The following AHDC1 variants were observed in gnomAD, a reference collection of about 807,000 sequenced individuals.
The protein encoded by AHDC1 is transcription factor Gibbin.
A neutral mutation model predicts 87.9 loss-of-function variants in AHDC1; 7 were observed. The ratio of observed to expected loss-of-function variants is 0.08; its 90% CI spans 0.05 to 0.15. The LOEUF is 0.15. Among genes scored for constraint, AHDC1 ranks in the 10% least tolerant of loss-of-function variants. The pLI is 1.00. For missense variants in AHDC1, 1,841 were observed against 2,253.2 expected (o/e 0.82, Z 3.70); for synonymous variants, 1,051 against 1,006.8 (o/e 1.04, Z -0.83).
intron 3 of AHDC1, among the ~76,000 whole-genome samples, chr1:27,596,509 G>C (rs1007243486): frequency 6.6e-6 from 1 of 151,950 alleles, no homozygotes; most frequent in East Asian, 1.9e-4. Context: ...CAGGCCGGGG[G>C]CCCCTTCCCA....
chr1:27,557,400 A>G (rs1424618845), intron 5 of AHDC1, among the ~76,000 whole-genome samples: 1 of 149,838 alleles, frequency 6.7e-6, no homozygotes, highest in African/African-American at 2.5e-5. Flanking sequence ...CCTTCCCCAG[A>G]GAGCTCCTTG....
intron 3 of AHDC1, among the ~76,000 whole-genome samples, chr1:27,576,634 C>G (rs908783049): frequency 6.6e-6 from 1 of 152,210 alleles, no homozygotes; most frequent in Non-Finnish European, 1.5e-5. Flanking sequence ...CCACTGAACA[C>G]AGTGTTCACC....
rs79192734 is a variant in AHDC1, at chr1:27,601,557, T to C, written c.-629+1840A>G. Among the ~76,000 whole-genome samples the C allele has an allele frequency of 3.0e-4, 46 of 152,340 alleles. 2 individuals are homozygous for C. The East Asian group carries it at 7.7e-3, about 26-fold the overall frequency. On this transcript the variant is annotated intron_variant, in intron 3 of 8. Coordinates refer to ENST00000673934, the MANE Select transcript of AHDC1 (RefSeq NM_001371928.1). ...CAGTCTCTGGGGATTACTCCAACTA[T>C]TGACACAGCAGGAGAAAAAAATGAA...
In AHDC1 at chr1:27,548,410, G is replaced by A. The variant is rs772158445; in HGVS notation, c.3706C>T (p.Arg1236Trp). 3 of 1,610,212 alleles carry A rather than the reference G, an allele frequency of 1.9e-6. No homozygotes were observed. The highest frequency in any genetic ancestry group is 1.7e-6 in the Non-Finnish European group (2 of 1,177,068). Residue 1236 changes from arginine (R) to tryptophan (W), a missense_variant, in exon 8 of 9, where the codon CGG (arginine) becomes TGG (tryptophan). Around this residue, in one of 13 missense-constraint regions of AHDC1, gnomAD observed 505 missense variants for 626.2 expected, o/e 0.81. Transcript: ENST00000673934. ...GCCTCGAACAGGTCCACCTTCTTCC[G>A]CCGTCCACGGCCCGGCTTGGAGCTA... ...QSSSKPGRGR[R>W]KKVDLFEASH...
At chr1:27,581,649 C>T (rs1039771354) in intron 3 of AHDC1, among the ~76,000 whole-genome samples, 1 of 152,204 alleles carries the variant, frequency 6.6e-6, no homozygotes, top group African/African-American at 2.4e-5. Flanking sequence ...TGGGCTCCCC[C>T]ACCTCCAGTC....
In AHDC1 at chr1:27,548,205, G is replaced by T; in HGVS notation, c.3911C>A (p.Pro1304Gln). 2 of 1,613,652 alleles carry T rather than the reference G, an allele frequency of 1.2e-6. No individual in the cohort carries two copies. Among genetic ancestry groups the T allele is most frequent in the East Asian group, 4.5e-5 (2 of 44,882 alleles). ...KFIPKPQPVN[P>Q]LFQDSPDLGL... ...GAGGTCAGGACTGTCCTGGAACAGT[G>T]GGTTGACTGGCTGTGGCTTGGGGAT... is the stretch of plus-strand genomic sequence containing the variant. Residue 1304 changes from proline to glutamine, a missense_variant, in exon 8 of 9, where the codon CCA (proline) becomes CAA (glutamine). Pro to Gln is a moderately conservative substitution (Grantham distance 76). Transcript: ENST00000673934.
In AHDC1 at chr1:27,534,342, AAACAACAAC is replaced by A. The variant is rs746522183; in HGVS notation, c.*609_*617del. On this transcript the variant is annotated 3_prime_UTR_variant, in exon 9 of 9. Coordinates refer to ENST00000673934, the MANE Select transcript of AHDC1 (RefSeq NM_001371928.1). ...TCTTTGGGTGTGTCCTGCCAACAGA[AAACAACAAC>A]AACAACAACAGAAGAGAAAACCCAA... The A allele has an allele frequency of 2.0e-5, 3 of 150,330 alleles. No individual in the cohort carries two copies. Among genetic ancestry groups the A allele is most frequent in the Non-Finnish European group, 4.4e-5 (3 of 67,634 alleles). The allele number at this position is 150,330 out of a possible 1,614,324, so 9.3% of individuals were successfully genotyped here. A position where few individuals can be genotyped will look rare whatever the true frequency, so the allele number is the denominator to read the frequency against.
intron 8 of AHDC1, among the ~76,000 whole-genome samples, chr1:27,541,922 G>A (rs570657386): frequency 6.6e-6 from 1 of 152,316 alleles, no homozygotes; most frequent in Non-Finnish European, 1.5e-5. Flanking sequence ...GAGCCACCGC[G>A]CCTGGCAAGG....
In AHDC1 at chr1:27,563,801, G is replaced by A. The variant is rs978740581; in HGVS notation, c.-628-4918C>T. Reference sequence around the variant, plus strand: ...GCGGGTGCTGGGGGAGAGGAGTGCTGGGGAGGAAGCTGCCTGGACACACTG... The same window carrying A: ...GCGGGTGCTGGGGGAGAGGAGTGCTAGGGAGGAAGCTGCCTGGACACACTG... On this transcript the variant is annotated intron_variant, in intron 3 of 8. Transcript: ENST00000673934. This position sits in a 1 kb window ranked among gnomAD's most constrained non-coding sequence, Gnocchi z 6.1. Among the ~76,000 whole-genome samples the A allele has an allele frequency of 6.6e-6, 1 of 152,108 alleles. No individual in the cohort carries two copies. Among genetic ancestry groups the A allele is most frequent in the South Asian group, 2.1e-4 (1 of 4,816 alleles).
intron 8 of AHDC1, among the ~76,000 whole-genome samples, chr1:27,542,649 C>T (rs2018981135): frequency 6.6e-6 from 1 of 152,222 alleles, no homozygotes. Flanking sequence ...ACATGACTCA[C>T]CAGGTCACCT....
Position 27,548,428 on chromosome 1 carries a change from T to C in AHDC1, c.3688A>G (p.Lys1230Glu). 1 of 1,612,494 alleles carries C rather than the reference T, an allele frequency of 6.2e-7. No individual in the cohort carries two copies. The highest frequency in any genetic ancestry group is 8.5e-7 in the Non-Finnish European group (1 of 1,178,908). ...NQSVLFQSSS[K>E]PGRGRRKKVD... ...TTCTTCCGCCGTCCACGGCCCGGCT[T>C]GGAGCTACTCTGAAAGAGGACACTC... Residue 1230 changes from lysine to glutamate, a missense_variant, in exon 8 of 9, where the codon AAG becomes GAG. Physicochemically the swap from Lys to Glu is moderately conservative, Grantham distance 56 (BLOSUM62 1). Coordinates refer to ENST00000673934, the MANE Select transcript of AHDC1 (RefSeq NM_001371928.1).
chr1:27,567,697 C>A (rs186674283), intron 3 of AHDC1, among the ~76,000 whole-genome samples: 89 of 152,332 alleles, frequency 5.8e-4, no homozygotes, highest in Middle Eastern at 6.8e-3. Context: ...CATTATGTCC[C>A]CAACACAAGC....
chr1:27,559,737 CTT>C (rs1441478769), intron 3 of AHDC1, among the ~76,000 whole-genome samples: 6 of 152,196 alleles, frequency 3.9e-5, no homozygotes, highest in South Asian at 4.1e-4. Context: ...AGTTATGTCT[CTT>C]GTTTTCTTTA....
At chr1:27,572,669 C>G (rs952733097) in intron 3 of AHDC1, among the ~76,000 whole-genome samples, 3 of 152,214 alleles carry the variant, frequency 2.0e-5, no homozygotes, top group Non-Finnish European at 4.4e-5. Flanking sequence ...CAGGCAAAAC[C>G]ACGCAGTGTG....
rs1457453037 is a variant in AHDC1 at position 27,598,365 on chromosome 1, C to G, written c.-629+5032G>C. 6.6e-6 allele frequency among the ~76,000 whole-genome samples: 1 copy of G among 152,300 alleles called. No homozygotes were observed. Among genetic ancestry groups the G allele is most frequent in the Middle Eastern group, 3.4e-3 (1 of 294 alleles). ...TCACTTTACTCTCACTTCACCATTG[C>G]CCCCGGAGCCAGGCCCTGCAGGAGA... On this transcript the variant is annotated intron_variant, in intron 3 of 8. Coordinates refer to ENST00000673934, the MANE Select transcript of AHDC1 (RefSeq NM_001371928.1). The surrounding 1 kb of genome is among the most constrained non-coding windows in gnomAD (Gnocchi z 4.2).
intron 8 of AHDC1, among the ~76,000 whole-genome samples, chr1:27,545,536 C>T (rs1055516854): frequency 1.3e-5 from 2 of 151,692 alleles, no homozygotes; most frequent in Admixed American, 6.6e-5. Context: ...CTGGGAGGAA[C>T]GGTTTTTGGA....
At position 27,551,841 on chromosome 1, in the gene AHDC1, A is replaced by T. The variant is rs1401764030; in HGVS notation, c.275T>A (p.Val92Asp). The T allele has an allele frequency of 6.2e-7, 1 of 1,611,064 alleles. No homozygotes were observed. The change falls in exon 8 of 9, where the codon GTC becomes GAC. Residue 92 changes from valine (V) to aspartate (D), a missense_variant. Around this residue, in one of 13 missense-constraint regions of AHDC1, gnomAD observed 142 missense variants for 165.6 expected, o/e 0.86. Transcript: ENST00000673934. ...CGGTGTGGGGCAGCGGGCCTGTGAG[A>T]CAGGACGGGCTGCCCGTGGGGGCAG... ...DPLPPRAARP[V>D]SQARCPTPVG...
chr1:27,549,095 G>A lies in AHDC1; in HGVS notation c.3021C>T (p.Ser1007=). The change falls in exon 8 of 9, where the codon AGC becomes AGT. Residue 1007 remains serine (S), a synonymous_variant. Coordinates refer to ENST00000673934, the MANE Select transcript of AHDC1 (RefSeq NM_001371928.1). ...DCSFAYGSGN[S]LPASPSSAHS... The stretch of plus-strand genomic sequence containing the variant: ...GGGCGCTGCTGGGTGAGGCAGGGAG[G>A]CTGTTGCCACTGCCATAGGCGAAGC... 1.3e-6 allele frequency: 2 copies of A among 1,554,678 alleles called. No homozygotes were observed. Among genetic ancestry groups the A allele is most frequent in the African/African-American group, 1.4e-5 (1 of 73,408 alleles).
chr1:27,573,500 A>G (rs1345494663), intron 3 of AHDC1, among the ~76,000 whole-genome samples: 1 of 152,156 alleles, frequency 6.6e-6, no homozygotes, highest in East Asian at 1.9e-4. Flanking sequence ...GTAGTCCTAG[A>G]GAGTTTATGA....
Sources: gnomAD v4.1 joint callset for allele counts (sites outside exome capture counted in the v4.1 genomes callset) on GRCh38, gnomAD v4.1.1 for gene constraint, gnomAD v4.1.1 regional missense constraint, Gnocchi (gnomAD v3.1) non-coding constraint, MANE v1.5 for transcripts, NCBI Gene and HGNC (gene_info 2026-07-23, HGNC 2026-07-21) for gene names.